The following CCDC171 variants were observed in gnomAD, a reference collection of about 807,000 sequenced individuals.
The protein encoded by CCDC171 is coiled-coil domain-containing protein 171.
In CCDC171, 177 loss-of-function variants were observed where a neutral mutation model predicts 168.2. That is an observed-to-expected ratio of 1.05 (90% CI 0.93 to 1.19). The LOEUF (loss-of-function observed/expected upper bound fraction) is 1.19, where lower values mean the gene tolerates loss of function less well. Among genes scored for constraint, CCDC171 ranks in the 50% most tolerant of loss-of-function variants. The pLI is 0.00. For synonymous variants in CCDC171, 687 were observed against 540.8 expected (o/e 1.27, Z -3.75); for missense variants, 1,991 against 1,539.0 (o/e 1.29, Z -4.91).
intron 7 of CCDC171, among the ~76,000 whole-genome samples, chr9:15,628,256 C>T (rs10756680): frequency 0.49 from 73,653 of 151,830 alleles, 18,272 homozygotes; most frequent in East Asian, 0.76. Flanking sequence ...CAAGGGGTCA[C>T]GGAGTTCCCT....
At chr9:15,994,492 A>G (rs907714523) in intron 3 of CCDC171, among the ~76,000 whole-genome samples, 1 of 152,184 alleles carries the variant, frequency 6.6e-6, no homozygotes, top group Admixed American at 6.5e-5. Flanking sequence ...GTAAATGACG[A>G]GTTAATGGGT....
intron 1 of CCDC171, among the ~76,000 whole-genome samples, chr9:15,553,839 T>G (rs2038547227): frequency 6.6e-6 from 1 of 151,220 alleles, no homozygotes; most frequent in African/African-American, 2.4e-5. Context: ...CTTTTTGAAT[T>G]TTTTTATTCC....
At chr9:15,939,889 A>T (rs1589187137) in intron 25 of CCDC171, among the ~76,000 whole-genome samples, 1 of 152,022 alleles carries the variant, frequency 6.6e-6, no homozygotes, top group East Asian at 1.9e-4. Flanking sequence ...TCAATTACAT[A>T]CTCAAGGCAA....
intron 1 of CCDC171, among the ~76,000 whole-genome samples, chr9:16,059,155 T>C (rs1833888974): frequency 6.6e-6 from 1 of 152,220 alleles, no homozygotes; most frequent in Non-Finnish European, 1.5e-5. Context: ...TTTGATCTTA[T>C]TACAATTATA....
At chr9:15,590,500 A>G (rs1440721047) in intron 4 of CCDC171, among the ~76,000 whole-genome samples, 2 of 152,184 alleles carry the variant, frequency 1.3e-5, no homozygotes, top group Non-Finnish European at 1.5e-5. Context: ...GCTGAAACAG[A>G]GCAGCAGTGT....
chr9:15,959,922 G>A (rs1830181717), intron 25 of CCDC171, among the ~76,000 whole-genome samples: 6 of 152,180 alleles, frequency 3.9e-5, no homozygotes, highest in Admixed American at 3.3e-4. Context: ...GACAGAAAGG[G>A]AAGGATGGGC....
chr9:15,785,912 G>C (rs533952069), intron 21 of CCDC171, among the ~76,000 whole-genome samples: 1 of 151,744 alleles, frequency 6.6e-6, no homozygotes, highest in South Asian at 2.1e-4. Flanking sequence ...TTTAAATTTA[G>C]AGACTTCAAT....
At chr9:15,620,782 A>G (rs1298088530) in intron 6 of CCDC171, among the ~76,000 whole-genome samples, 2 of 152,292 alleles carry the variant, frequency 1.3e-5, no homozygotes, top group East Asian at 1.9e-4. Context: ...CAATGTAGCA[A>G]ACTTCTTTGT....
Position 15,572,596 on chromosome 9 carries a change from T to A in CCDC171, c.177+837T>A, listed in dbSNP as rs1335812723. ...TTTATTGACAGTTAAGTGTAAACAGTATGTTTTTCTTCCCTTTTTGCTAAG... is the reference window on the plus strand; with the variant it reads ...TTTATTGACAGTTAAGTGTAAACAGAATGTTTTTCTTCCCTTTTTGCTAAG... On this transcript the variant is annotated intron_variant, in intron 3 of 25. Coordinates refer to ENST00000380701, the MANE Select transcript of CCDC171 (RefSeq NM_173550.4). Among the ~76,000 whole-genome samples the A allele has an allele frequency of 1.3e-5, 2 of 152,226 alleles. 1 individual carries two copies. Among genetic ancestry groups the A allele is most frequent in the Admixed American group, 1.3e-4 (2 of 15,282 alleles).
intron 8 of CCDC171, among the ~76,000 whole-genome samples, chr9:15,662,293 C>T (rs536265841): frequency 1.3e-5 from 2 of 151,738 alleles, no homozygotes; most frequent in African/African-American, 4.8e-5. Context: ...CCCTCCCCCC[C>T]AAAAAAGAAT....
intron 6 of CCDC171, among the ~76,000 whole-genome samples, chr9:15,622,792 A>C (rs1186400590): frequency 6.6e-6 from 1 of 152,222 alleles, no homozygotes; most frequent in Non-Finnish European, 1.5e-5. Flanking sequence ...AAACACAGCC[A>C]TCTAGTGGAT....
chr9:15,643,084 A>G lies in CCDC171; in HGVS notation c.823-14043A>G, dbSNP rs541361356. Among the ~76,000 whole-genome samples the G allele has an allele frequency of 2.0e-5, 3 of 151,732 alleles. No homozygotes were observed. The East Asian group carries it at 5.8e-4, about 29-fold the overall frequency. On this transcript the variant is annotated intron_variant, in intron 7 of 25. Transcript: ENST00000380701. ...TTTTTTTTTAAAAAAATTTATTTCCATAGGTTTTTGGGAAACAGGAGGTGT... is the reference window on the plus strand; with the variant it reads ...TTTTTTTTTAAAAAAATTTATTTCCGTAGGTTTTTGGGAAACAGGAGGTGT...
chr9:15,665,413 T>C (rs773977429), intron 8 of CCDC171, among the ~76,000 whole-genome samples: 2 of 152,218 alleles, frequency 1.3e-5, no homozygotes, highest in South Asian at 2.1e-4. Flanking sequence ...AAAGATCTGT[T>C]AAATTTCTTA....
chr9:15,727,020 C>T (rs1277386223), intron 14 of CCDC171, among the ~76,000 whole-genome samples: 2 of 152,222 alleles, frequency 1.3e-5, no homozygotes, highest in Admixed American at 6.5e-5. Context: ...AATTCTGCAG[C>T]ATAGTAAGTG....
chr9:15,729,034 G>T (rs1456003796), intron 15 of CCDC171, among the ~76,000 whole-genome samples: 2 of 152,132 alleles, frequency 1.3e-5, no homozygotes, highest in Non-Finnish European at 2.9e-5. Context: ...GATTGTGAAT[G>T]TGTACATAAT....
rs767125291 is a variant in CCDC171, at chr9:16,034,919, C to G, written n.999-538C>G. ...TATCCTCCCCTATCCCCAGGCCAAA[C>G]TTAATAAATGCACAATTGAGAAGAA... On this transcript the variant is annotated intron_variant and non_coding_transcript_variant, in intron 6 of 9. Transcript: ENST00000486641. Among the ~76,000 whole-genome samples the G allele has an allele frequency of 2.9e-4, 44 of 151,990 alleles. 3 individuals carry two copies. Among genetic ancestry groups the G allele is most frequent in the Admixed American group, 2.7e-3 (41 of 15,272 alleles).
At chr9:15,690,943 C>G (rs1343624623) in intron 10 of CCDC171, among the ~76,000 whole-genome samples, 1 of 152,050 alleles carries the variant, frequency 6.6e-6, no homozygotes, top group East Asian at 1.9e-4. Context: ...GTTGATAATG[C>G]CTACTATTGG....
At chr9:15,696,327 TGTA>T (rs754248387) in intron 11 of CCDC171, among the ~76,000 whole-genome samples, 1 of 152,234 alleles carries the variant, frequency 6.6e-6, no homozygotes, top group Non-Finnish European at 1.5e-5. Flanking sequence ...CTATTAGAAA[TGTA>T]GTGTGCTTTG....
chr9:15,995,774 C>G lies in CCDC171; in HGVS notation n.369-24815C>G, dbSNP rs10962247. ...TGTGTGTTTTCTTAAATGTCTGCAA[C>G]CGGTCTGTTGAATATTCAGTTTCCT... On this transcript the variant is annotated intron_variant and non_coding_transcript_variant, in intron 3 of 9. Transcript: ENST00000486641. Among the ~76,000 whole-genome samples the G allele has an allele frequency of 2.8e-4, 42 of 152,338 alleles. No homozygotes were observed. The East Asian group carries it at 6.9e-3, about 25-fold the overall frequency.
Sources: gnomAD v4.1 joint callset for allele counts (sites outside exome capture counted in the v4.1 genomes callset) on GRCh38, gnomAD v4.1.1 for gene constraint, MANE v1.5 for transcripts, NCBI Gene and HGNC (gene_info 2026-07-23, HGNC 2026-07-21) for gene names.